ZNF385D: variants seen among roughly 807,000 people sequenced by gnomAD.
ZNF385D encodes the protein zinc finger protein 385D.
In ZNF385D, 15 loss-of-function variants were observed where a neutral mutation model predicts 35.8. The ratio of observed to expected loss-of-function variants is 0.42; its 90% confidence interval spans 0.28 to 0.64. The LOEUF (loss-of-function observed/expected upper bound fraction) is 0.64, where lower values mean the gene tolerates loss of function less well. Ranked by LOEUF, ZNF385D falls within the 30% of genes least tolerant of loss-of-function variation. ZNF385D has a pLI of 0.23. For missense variants in ZNF385D, 474 were observed against 494.6 expected, an observed-to-expected ratio of 0.96 and a Z score of 0.39; for synonymous variants, 212 against 186.8, an observed-to-expected ratio of 1.13 and a Z score of -1.10.
intron 2 of ZNF385D, among the ~76,000 whole-genome samples, chr3:22,247,464 G>A (rs932821379): frequency 2.0e-5 from 3 of 151,808 alleles, no homozygotes; most frequent in Non-Finnish European, 4.4e-5. Context: ...AAAATTATGA[G>A]ATCTTAGAAA....
intron 2 of ZNF385D, among the ~76,000 whole-genome samples, chr3:22,210,484 A>C (rs774081584): frequency 1.3e-5 from 2 of 151,888 alleles, no homozygotes; most frequent in Non-Finnish European, 2.9e-5. Context: ...ATACAGCTGA[A>C]AGAAAACAAA....
chr3:22,219,083 G>A (rs936046503), intron 2 of ZNF385D, among the ~76,000 whole-genome samples: 8 of 152,102 alleles, frequency 5.3e-5, no homozygotes, highest in Non-Finnish European at 7.4e-5. Context: ...ACATAGCTCA[G>A]TTAAACTCTA....
chr3:21,587,218 A>T (rs1211847819), intron 2 of ZNF385D, among the ~76,000 whole-genome samples: 82 of 152,308 alleles, frequency 5.4e-4, no homozygotes, highest in Non-Finnish European at 5.9e-5. Context: ...ACTCAAATGT[A>T]TACATAAGAA....
intron 2 of ZNF385D, among the ~76,000 whole-genome samples, chr3:22,364,259 T>C (rs1696550030): frequency 6.6e-6 from 1 of 152,034 alleles, no homozygotes; most frequent in East Asian, 1.9e-4. Context: ...AATAGACAAA[T>C]AGGACTTTAT....
chr3:21,761,191 C>G (rs899898031), intron 3 of ZNF385D, among the ~76,000 whole-genome samples: 2 of 152,158 alleles, frequency 1.3e-5, no homozygotes, highest in Admixed American at 6.5e-5. Flanking sequence ...CTGGGCCAAG[C>G]CTTCACACAC....
chr3:22,157,519 T>C (rs1270634754), intron 3 of ZNF385D, among the ~76,000 whole-genome samples: 1 of 152,100 alleles, frequency 6.6e-6, no homozygotes, highest in African/African-American at 2.4e-5. Context: ...TAGGTCAGAA[T>C]TCTTATTCCT....
At chr3:21,965,819 A>G (rs1702881520) in intron 3 of ZNF385D, among the ~76,000 whole-genome samples, 1 of 152,166 alleles carries the variant, frequency 6.6e-6, no homozygotes, top group African/African-American at 2.4e-5. Flanking sequence ...TTCCAACAAC[A>G]CTTAAGTAGC....
chr3:21,573,996 G>T (rs1198891685), intron 2 of ZNF385D, among the ~76,000 whole-genome samples: 1 of 148,118 alleles, frequency 6.8e-6, no homozygotes, highest in Non-Finnish European at 1.5e-5. Context: ...GGAGGTGGAG[G>T]TTGCAGTGAG....
chr3:22,299,479 A>G (rs552484742), intron 2 of ZNF385D, among the ~76,000 whole-genome samples: 54 of 151,970 alleles, frequency 3.6e-4, no homozygotes, highest in Middle Eastern at 3.4e-3. Flanking sequence ...AAAGAAAACA[A>G]AAGTAAAACA....
intron 3 of ZNF385D, among the ~76,000 whole-genome samples, chr3:22,141,203 G>A (rs1704485303): frequency 6.6e-6 from 1 of 151,936 alleles, no homozygotes; most frequent in Non-Finnish European, 1.5e-5. Context: ...CTTGGATGCC[G>A]AATGTACAAC....
intron 2 of ZNF385D, among the ~76,000 whole-genome samples, chr3:22,184,671 A>G (rs1010622301): frequency 1.3e-5 from 2 of 152,138 alleles, no homozygotes; most frequent in African/African-American, 4.8e-5. Flanking sequence ...ACTTACAAAC[A>G]CAAAAATTAG....
chr3:21,724,156 A>G (rs1202864674), intron 1 of ZNF385D, among the ~76,000 whole-genome samples: 2 of 152,188 alleles, frequency 1.3e-5, no homozygotes, highest in Non-Finnish European at 2.9e-5. Flanking sequence ...AGGAAGCACT[A>G]CACATAGAAA....
chr3:21,793,469 G>C (rs2072013366), intron 3 of ZNF385D, among the ~76,000 whole-genome samples: 2 of 152,218 alleles, frequency 1.3e-5, no homozygotes, highest in Admixed American at 1.3e-4. Context: ...GACTGAACTA[G>C]ACCTAGTGAA....
chr3:21,488,307 G>T (rs1211262388), intron 4 of ZNF385D, among the ~76,000 whole-genome samples: 1 of 148,784 alleles, frequency 6.7e-6, no homozygotes, highest in Non-Finnish European at 1.5e-5. Context: ...GCATGCCAGG[G>T]TTTTAAATTG....
chr3:21,688,785 C>G (rs929562779), intron 1 of ZNF385D, among the ~76,000 whole-genome samples: 1 of 152,148 alleles, frequency 6.6e-6, no homozygotes, highest in Non-Finnish European at 1.5e-5. Flanking sequence ...AGAGATTTCT[C>G]AGTTCCCACT....
chr3:22,046,873 A>C (rs1559331174), intron 3 of ZNF385D, among the ~76,000 whole-genome samples: 1 of 152,156 alleles, frequency 6.6e-6, no homozygotes, highest in Non-Finnish European at 1.5e-5. Context: ...ATCAACTGTG[A>C]AACAAAGGAA....
intron 3 of ZNF385D, among the ~76,000 whole-genome samples, chr3:21,853,546 A>G (rs1696524141): frequency 1.4e-5 from 2 of 148,068 alleles, no homozygotes. Flanking sequence ...TCACTTTATC[A>G]TATCATAAAT....
At chr3:21,953,590 C>T (rs618682) in intron 3 of ZNF385D, among the ~76,000 whole-genome samples, 39,481 of 151,814 alleles carry the variant, frequency 0.26, 5,840 homozygotes, top group Admixed American at 0.41. Context: ...GGGTAGCTTC[C>T]AGGAAAATGA....
At chr3:21,595,832 CAAAGT>C (rs574693310) in intron 2 of ZNF385D, among the ~76,000 whole-genome samples, 31 of 152,228 alleles carry the variant, frequency 2.0e-4, no homozygotes, top group African/African-American at 5.5e-4. Context: ...CCAAGAAAGG[CAAAGT>C]AAAGTAAAGA....
Sources: allele counts gnomAD v4.1 joint callset (sites outside exome capture counted in the v4.1 genomes callset), GRCh38; gene constraint gnomAD v4.1.1; transcripts MANE v1.5; gene names NCBI Gene and HGNC (gene_info 2026-07-23, HGNC 2026-07-21).